The following GSDMA variants were observed in gnomAD, a reference collection of about 807,000 sequenced individuals.
GSDMA encodes gasdermin A.
GSDMA carries 55 observed loss-of-function variants against 54.3 expected under a neutral mutation model. The observed-to-expected ratio is 1.01, with a 90% CI of 0.82 to 1.27. The LOEUF is 1.27. Ranked by LOEUF, GSDMA falls within the 50% of genes most tolerant of loss-of-function variation. The pLI is 0.00. For missense variants in GSDMA, 542 were observed against 542.6 expected (o/e 1.00, Z 0.01); for synonymous variants, 211 against 224.7 (o/e 0.94, Z 0.54).
At chr17:39,972,936 G>T (rs1980020049) in intron 7 of GSDMA, among the ~76,000 whole-genome samples, 1 of 152,020 alleles carries the variant, frequency 6.6e-6, no homozygotes, top group Non-Finnish European at 1.5e-5. Context: ...TTCAAGACCA[G>T]CCTGGGCAAC....
At position 39,974,365 on chromosome 17, in the gene GSDMA, C is replaced by A. The variant is rs1393954611; in HGVS notation, c.844C>A (p.Leu282Met). 1 of 1,601,702 alleles carries A rather than the reference C, an allele frequency of 6.2e-7. No homozygotes were observed. Among genetic ancestry groups the A allele is most frequent in the Non-Finnish European group, 8.5e-7 (1 of 1,174,180 alleles). The change falls in exon 9 of 12, where the codon CTG becomes ATG. Residue 282 changes from leucine (L) to methionine (M), a missense_variant. Physicochemically the swap from Leu to Met is conservative, Grantham distance 15. Transcript: ENST00000301659. ...EKLSRVGQSS[L>M]LSSLSKLLGK... Reference sequence around the variant, plus strand: ...GCTGAGCCGAGTAGGGCAAAGCTCCCTGCTCAGCTCCCTCAGCAAACTTCT... The same window carrying A: ...GCTGAGCCGAGTAGGGCAAAGCTCCATGCTCAGCTCCCTCAGCAAACTTCT...
rs371241348 is a variant in GSDMA at position 39,966,426 on chromosome 17, C to A, written c.381C>A (p.Thr127=). Residue 127 remains threonine, a synonymous_variant, in exon 3 of 12, where the codon ACC becomes ACA. Coordinates refer to ENST00000301659, the MANE Select transcript of GSDMA (RefSeq NM_178171.5). ...GTGTGGCTCCCAAGGCCCTGGAGACCGTGCAGGAGAGGTGAGAGTGGGCGG... is the reference window on the plus strand; with the variant it reads ...GTGTGGCTCCCAAGGCCCTGGAGACAGTGCAGGAGAGGTGAGAGTGGGCGG... The part of the protein sequence containing the change: ...TLSVAPKALE[T]VQERKLAADH... 3.1e-6 allele frequency: 5 copies of A among 1,605,348 alleles called. No homozygotes were observed. Among genetic ancestry groups the A allele is most frequent in the East Asian group, 2.2e-5 (1 of 44,782 alleles).
chr17:39,970,762 C>T (rs369164054), intron 4 of GSDMA, 115 bp downstream of exon 4: 9 of 985,520 alleles, frequency 9.1e-6, no homozygotes, highest in South Asian at 4.6e-5. Context: ...CTGATCAGCG[C>T]CCACCGAGGA....
In GSDMA at chr17:39,971,065, C is replaced by A. The variant is rs1270945610; in HGVS notation, c.558+418C>A. ...ATGGAAATAAGGAATGGTCTCCATA[C>A]CTCTATCTATTGCATCTAAATATTC... On this transcript the variant is annotated intron_variant, in intron 4 of 11. Transcript: ENST00000301659. Among the ~76,000 whole-genome samples the A allele has an allele frequency of 2.0e-5, 3 of 152,234 alleles. No individual in the cohort carries two copies. The East Asian group carries it at 5.8e-4, about 29-fold the overall frequency.
intron 5 of GSDMA, 136 bp downstream of exon 5, chr17:39,971,756 T>C (rs1056763955): frequency 3.0e-6 from 2 of 663,882 alleles, no homozygotes; most frequent in Non-Finnish European, 5.3e-6. Flanking sequence ...ACTGCAGCCA[T>C]GGAGCCTGCT....
chr17:39,974,538 G>A, intron 9 of GSDMA, 111 bp downstream of exon 9: 1 of 1,223,434 alleles, frequency 8.2e-7, no homozygotes, highest in Non-Finnish European at 1.1e-6. Context: ...CAGGAGGTGG[G>A]TGGCCAGGGG....
At position 39,966,359 on chromosome 17, in the gene GSDMA, C is replaced by T; in HGVS notation, c.314C>T (p.Ala105Val). The change falls in exon 3 of 12, where the codon GCA becomes GTA. Residue 105 changes from alanine (A) to valine (V), a missense_variant. Coordinates refer to ENST00000301659, the MANE Select transcript of GSDMA (RefSeq NM_178171.5). ...VPKTVKVKGTAGLSQNSTLEV... is the reference protein window; with the variant it reads ...VPKTVKVKGTVGLSQNSTLEV... ...AAGACGGTGAAGGTGAAGGGAACGG[C>T]AGGGCTCTCGCAGAACAGCACTCTG... The T allele has an allele frequency of 6.2e-7, 1 of 1,613,906 alleles. No homozygotes were observed. The highest frequency in any genetic ancestry group is 8.5e-7 in the Non-Finnish European group (1 of 1,179,866).
chr17:39,968,003 G>A (rs1245044011), intron 3 of GSDMA, among the ~76,000 whole-genome samples: 1 of 152,150 alleles, frequency 6.6e-6, no homozygotes, highest in Admixed American at 6.5e-5. Context: ...GACTACAGGT[G>A]TCTGTCACCA....
At chr17:39,971,726 G>A (rs941485305) in intron 5 of GSDMA, 106 bp downstream of exon 5, 30 of 806,144 alleles carry the variant, frequency 3.7e-5, no homozygotes, top group Admixed American at 1.4e-4. Flanking sequence ...GAGTAGGGGG[G>A]TGTATTGTAC....
chr17:39,970,123 T>G (rs1598304485), intron 3 of GSDMA, among the ~76,000 whole-genome samples: 4 of 144,722 alleles, frequency 2.8e-5, no homozygotes, highest in African/African-American at 5.2e-5. Context: ...CCCAGAGAGA[T>G]GAATGGGGAG....
intron 8 of GSDMA, among the ~76,000 whole-genome samples, chr17:39,974,069 C>T (rs577501442): frequency 5.3e-5 from 8 of 152,320 alleles, no homozygotes; most frequent in African/African-American, 1.9e-4. Context: ...CCTGGCCCAC[C>T]TTCTCGCCCC....
intron 3 of GSDMA, among the ~76,000 whole-genome samples, chr17:39,968,677 C>T (rs139395072): frequency 2.3e-3 from 346 of 152,096 alleles, no homozygotes; most frequent in Non-Finnish European, 3.7e-3. Flanking sequence ...CCATGAGCAA[C>T]GAAAACTGAG....
intron 7 of GSDMA, among the ~76,000 whole-genome samples, 191 bp downstream of exon 7, chr17:39,972,804 G>A (rs1211758374): frequency 1.2e-5 from 1 of 81,908 alleles, no homozygotes; most frequent in African/African-American, 4.6e-5. Context: ...TCTTTGCCCA[G>A]GTGGTCTGAC....
chr17:39,974,198 G>C, intron 8 of GSDMA, 75 bp from the exon 9 acceptor site: 1 of 1,439,534 alleles, frequency 6.9e-7, no homozygotes, highest in Non-Finnish European at 9.3e-7. Flanking sequence ...GAGTGTAGGA[G>C]CCCTGCAGGG....
At position 39,974,433 on chromosome 17, in the gene GSDMA, G is replaced by T. The variant is rs1341203885; in HGVS notation, c.906+6G>T. ...TACAAGACCTTGAGCTCGCAGTGAGGACCTAGTGGAAGTGGGGAAGGGTGG... is the reference window on the plus strand; with the variant it reads ...TACAAGACCTTGAGCTCGCAGTGAGTACCTAGTGGAAGTGGGGAAGGGTGG... On this transcript the variant is annotated splice_donor_region_variant and intron_variant, in intron 9 of 11. Transcript: ENST00000301659. The T allele has an allele frequency of 1.3e-6, 2 of 1,566,974 alleles. No homozygotes were observed. Among genetic ancestry groups the T allele is most frequent in the Non-Finnish European group, 1.7e-6 (2 of 1,156,456 alleles).
At chr17:39,965,534 C>T in intron 1 of GSDMA, 149 bp from the exon 2 acceptor site, 1 of 623,578 alleles carries the variant, frequency 1.6e-6, no homozygotes, top group South Asian at 1.9e-5. Flanking sequence ...TTCTTTCCAG[C>T]TGTGACATGA....
rs1979851853 is a variant in GSDMA, at chr17:39,969,912, G to A, written c.393-570G>A. On this transcript the variant is annotated intron_variant, in intron 3 of 11. Coordinates refer to ENST00000301659, the MANE Select transcript of GSDMA (RefSeq NM_178171.5). ...TGCCAATGAAATGAAGGAAAAAATA[G>A]GGTAGTAATTTGAGGGAGTGGCATG... Among the ~76,000 whole-genome samples, 3 of 149,448 alleles carry A rather than the reference G, an allele frequency of 2.0e-5. No individual in the cohort carries two copies. The South Asian group carries it at 6.3e-4, about 32-fold the overall frequency.
At chr17:39,976,648 A>G (rs1224133176) in intron 11 of GSDMA, among the ~76,000 whole-genome samples, 168 bp from the exon 12 acceptor site, 2 of 152,194 alleles carry the variant, frequency 1.3e-5, no homozygotes, top group African/African-American at 2.4e-5. Flanking sequence ...CTAAAAATCA[A>G]TGTGCTGCCC....
In GSDMA at chr17:39,965,668, T is replaced by G; in HGVS notation, c.-5-15T>G. 1.3e-6 allele frequency: 2 copies of G among 1,581,950 alleles called. No homozygotes were observed. Among genetic ancestry groups the G allele is most frequent in the Non-Finnish European group, 1.7e-6 (2 of 1,163,654 alleles). ...GCAGCCACCTTGACACTCTCCTGTC[T>G]CCCCACCTCCACAGAGACAATGACC... On this transcript the variant is annotated splice_polypyrimidine_tract_variant and intron_variant, in intron 1 of 11. Coordinates refer to ENST00000301659, the MANE Select transcript of GSDMA (RefSeq NM_178171.5).
Sources: allele counts gnomAD v4.1 joint callset (sites outside exome capture counted in the v4.1 genomes callset), GRCh38; gene constraint gnomAD v4.1.1; transcripts MANE v1.5; gene names NCBI Gene and HGNC (gene_info 2026-07-23, HGNC 2026-07-21).